SULF2: variants seen among roughly 807,000 people sequenced by gnomAD.
The protein encoded by SULF2 is extracellular sulfatase Sulf-2.
In SULF2, 52 loss-of-function variants were observed where a neutral mutation model predicts 107.7. The ratio of observed to expected loss-of-function variants is 0.48; its 90% CI spans 0.39 to 0.61. The LOEUF is 0.61. SULF2 is among the 20% of genes least tolerant of loss of function. The pLI is 0.00. For synonymous variants in SULF2, 460 were observed against 464.3 expected, an observed-to-expected ratio of 0.99 and a Z score of 0.12; for missense variants, 993 against 1,177.3, an observed-to-expected ratio of 0.84 and a Z score of 2.29.
In SULF2 at chr20:47,658,040, C is replaced by G. The variant is rs1212803796; in HGVS notation, c.*322G>C. 5.8e-6 allele frequency: 2 copies of G among 342,032 alleles called. No homozygotes were observed. The highest frequency in any genetic ancestry group is 5.3e-6 in the Non-Finnish European group (1 of 187,694). 21.2% of individuals were successfully genotyped at this position (342,032 alleles called of 1,614,324 possible). A position where few individuals can be genotyped will look rare whatever the true frequency, so the allele number is the denominator to read the frequency against. On this transcript the variant is annotated 3_prime_UTR_variant, in exon 21 of 21. Coordinates refer to ENST00000688720, the MANE Select transcript of SULF2 (RefSeq NM_001387048.1). ...TTGGGAGAAATTTCCAAGGAAATCT[C>G]TCTCGCTCGCTCTCTCCGTTTTCCT...
intron 3 of SULF2, among the ~76,000 whole-genome samples, chr20:47,722,750 G>A (rs1292850412): frequency 6.6e-6 from 1 of 151,978 alleles, no homozygotes; most frequent in East Asian, 1.9e-4. Context: ...TGGCCAATAT[G>A]GTGAAACCCT....
Position 47,677,089 on chromosome 20 carries a change from C to T in SULF2, c.1239G>A (p.Leu413=). ...GACCCGGCACTCACCCTCTCTCCAC[C>T]AAGAAGGAGTCCCGCCAGACCCTCA... ...KKMRVWRDSF[L]VERGKLLHKR... is the part of the protein sequence containing the mutation. Residue 413 remains leucine, a synonymous_variant, in exon 9 of 21, where the codon TTG becomes TTA. Transcript: ENST00000688720. The T allele has an allele frequency of 6.2e-7, 1 of 1,613,288 alleles. No homozygotes were observed. Among genetic ancestry groups the T allele is most frequent in the South Asian group, 1.1e-5 (1 of 91,034 alleles).
At position 47,684,679 on chromosome 20, in the gene SULF2, T is replaced by C. The variant is rs1035545357; in HGVS notation, c.738-98A>G. On this transcript the variant is annotated intron_variant, in intron 5 of 20. Transcript: ENST00000688720. ...GCCCGGATGAGCAGCCACCCTGTGC[T>C]GTGTCTGCAGCCCAGGGCCAGGTGT... The C allele has an allele frequency of 3.1e-6, 4 of 1,303,514 alleles. No individual in the cohort carries two copies. In the African/African-American group the frequency reaches 5.9e-5, roughly 19 times the overall value. 80.7% of individuals were successfully genotyped at this position (1,303,514 alleles called of 1,614,324 possible). A position where few individuals can be genotyped will look rare whatever the true frequency, so the allele number is the denominator to read the frequency against.
chr20:47,758,724 C>T (rs2090352214), intron 1 of SULF2, among the ~76,000 whole-genome samples: 1 of 152,182 alleles, frequency 6.6e-6, no homozygotes, highest in African/African-American at 2.4e-5. Context: ...GCCTTCAAGT[C>T]CTGTCCAGAT....
chr20:47,688,164 G>A (rs2088077043), intron 5 of SULF2, among the ~76,000 whole-genome samples: 1 of 152,100 alleles, frequency 6.6e-6, no homozygotes, highest in Admixed American at 6.5e-5. Context: ...GATGGGATAG[G>A]AGACCCCTAA....
chr20:47,743,775 G>A (rs2089944372), intron 2 of SULF2, among the ~76,000 whole-genome samples: 1 of 152,094 alleles, frequency 6.6e-6, no homozygotes, highest in South Asian at 2.1e-4. Flanking sequence ...CTCCTACTGT[G>A]CGCTCTCTCT....
rs949742572 is a variant in SULF2 at position 47,663,003 on chromosome 20, G to C, written c.2370+67C>G. On this transcript the variant is annotated intron_variant, in intron 17 of 20. Transcript: ENST00000688720. ...ATTTGTCATCACTTCCCTGAGGTTG[G>C]GGGGGGCCTACCTGGCAGCACTGGT... 1.6e-5 allele frequency: 26 copies of C among 1,575,850 alleles called. No homozygotes were observed. In the Admixed American group the frequency reaches 1.9e-4, roughly 11 times the overall value.
intron 10 of SULF2, among the ~76,000 whole-genome samples, chr20:47,675,474 G>T (rs546614710): frequency 1.1e-3 from 161 of 152,312 alleles, no homozygotes; most frequent in African/African-American, 3.8e-3. Flanking sequence ...CACTGGGTGG[G>T]GAGGCACAGT....
At chr20:47,696,494 C>T (rs1408505738) in intron 4 of SULF2, among the ~76,000 whole-genome samples, 3 of 152,010 alleles carry the variant, frequency 2.0e-5, no homozygotes, top group Admixed American at 6.6e-5. Context: ...TCACTTTATG[C>T]ATCTTTTTAT....
intron 3 of SULF2, among the ~76,000 whole-genome samples, chr20:47,716,996 G>A (rs2089142729): frequency 1.3e-5 from 2 of 152,082 alleles, no homozygotes; most frequent in African/African-American, 2.4e-5. Flanking sequence ...GGTGACAAGC[G>A]AGACCCTATT....
chr20:47,663,528 C>G lies in SULF2; in HGVS notation c.2152G>C (p.Asp718His), dbSNP rs760729379. 6.2e-7 allele frequency: 1 copy of G among 1,612,954 alleles called. No individual in the cohort carries two copies. Among genetic ancestry groups the G allele is most frequent in the South Asian group, 1.1e-5 (1 of 91,076 alleles). The part of the protein sequence containing the change: ...RKLLKRLQNN[D>H]TCSMPGLTCF... Reference sequence around the variant, plus strand: ...GTGAGGCCTGGCATGCTGCACGTGTCGTTGTTCTGCAGGCGCTTGAGCAGC... The same window carrying G: ...GTGAGGCCTGGCATGCTGCACGTGTGGTTGTTCTGCAGGCGCTTGAGCAGC... Residue 718 changes from aspartate to histidine, a missense_variant, in exon 16 of 21, where the codon GAC (aspartate) becomes CAC (histidine). By Grantham distance (81) the Asp-to-His change is moderately conservative. Transcript: ENST00000688720.
chr20:47,676,453 T>G (rs751847924), intron 10 of SULF2, 41 bp downstream of exon 10: 2 of 1,594,016 alleles, frequency 1.3e-6, no homozygotes, highest in South Asian at 2.2e-5. Flanking sequence ...CCGGCTGCAG[T>G]CAGGAGGGGG....
intron 1 of SULF2, among the ~76,000 whole-genome samples, chr20:47,780,542 T>G (rs968210511): frequency 6.6e-6 from 1 of 152,066 alleles, no homozygotes; most frequent in Non-Finnish European, 1.5e-5. Context: ...CATCACATCA[T>G]GCAGTCATTT....
At chr20:47,722,399 C>G (rs1270408849) in intron 3 of SULF2, among the ~76,000 whole-genome samples, 1 of 152,054 alleles carries the variant, frequency 6.6e-6, no homozygotes, top group East Asian at 2.0e-4. Flanking sequence ...GAGCTGGGAC[C>G]ACAGGTGTGT....
intron 15 of SULF2, 54 bp downstream of exon 15, chr20:47,664,076 A>G: frequency 6.3e-7 from 1 of 1,575,148 alleles, no homozygotes; most frequent in Non-Finnish European, 8.7e-7. Flanking sequence ...AGGGAGGGCC[A>G]CCTCCTCATG....
intron 4 of SULF2, among the ~76,000 whole-genome samples, chr20:47,693,702 T>G (rs1364007387): frequency 6.6e-6 from 1 of 152,092 alleles, no homozygotes; most frequent in Non-Finnish European, 1.5e-5. Context: ...ACCTATGGGA[T>G]GAAAGAATAA....
chr20:47,719,493 G>A (rs2089225042), intron 3 of SULF2, among the ~76,000 whole-genome samples: 1 of 152,196 alleles, frequency 6.6e-6, no homozygotes, highest in Admixed American at 6.5e-5. Context: ...TCACCCATCA[G>A]GAGCCTGGGA....
At chr20:47,771,515 A>G (rs1343144559) in intron 1 of SULF2, among the ~76,000 whole-genome samples, 1 of 152,174 alleles carries the variant, frequency 6.6e-6, no homozygotes, top group Non-Finnish European at 1.5e-5. Context: ...TCGTTTGGGG[A>G]AAAAGGCCCC....
intron 1 of SULF2, among the ~76,000 whole-genome samples, chr20:47,784,823 T>G (rs2090893900): frequency 6.6e-6 from 1 of 152,208 alleles, no homozygotes; most frequent in Admixed American, 6.5e-5. Flanking sequence ...TGCCCTGGCC[T>G]GGGAGGAAGT....
Sources: gnomAD v4.1 joint callset for allele counts (sites outside exome capture counted in the v4.1 genomes callset) on GRCh38, gnomAD v4.1.1 for gene constraint, MANE v1.5 for transcripts, NCBI Gene and HGNC (gene_info 2026-07-23, HGNC 2026-07-21) for gene names.